Variants in EPB41L4A observed in about 807,000 individuals in gnomAD.
EPB41L4A encodes the protein erythrocyte membrane protein band 4.1 like 4A, also known as band 4.1-like protein 4A.
In EPB41L4A, 100 loss-of-function variants were observed where a neutral mutation model predicts 108.6. The observed-to-expected ratio is 0.92, with a 90% CI of 0.78 to 1.09. The LOEUF (loss-of-function observed/expected upper bound fraction) is 1.09. EPB41L4A is among the 50% of genes least tolerant of loss of function. EPB41L4A has a pLI of 0.00. For missense variants in EPB41L4A, 1,030 were observed against 842.7 expected, an observed-to-expected ratio of 1.22 and a Z score of -2.75; for synonymous variants, 319 against 289.0, an observed-to-expected ratio of 1.10 and a Z score of -1.05.
At chr5:112,288,545 T>C (rs891853370) in intron 2 of EPB41L4A, among the ~76,000 whole-genome samples, 5 of 152,180 alleles carry the variant, frequency 3.3e-5, no homozygotes, top group South Asian at 2.1e-4. Flanking sequence ...TCCTAGGCAA[T>C]AGGACCAAGT....
chr5:112,338,696 G>A lies in EPB41L4A; in HGVS notation c.100-31206C>T, dbSNP rs995034613. ...ATACACACATTGTGTATTTGTTAACGGCCTCCCTCACCCTCTAGAACAGGG... is the reference window on the plus strand; with the variant it reads ...ATACACACATTGTGTATTTGTTAACAGCCTCCCTCACCCTCTAGAACAGGG... On this transcript the variant is annotated intron_variant, in intron 1 of 22. Transcript: ENST00000261486. Among the ~76,000 whole-genome samples, 11 of 152,172 alleles carry A rather than the reference G, an allele frequency of 7.2e-5. No homozygotes were observed. The East Asian group carries it at 1.4e-3, about 19-fold the overall frequency.
intron 1 of EPB41L4A, among the ~76,000 whole-genome samples, chr5:112,355,966 G>A (rs1403872411): frequency 3.3e-5 from 5 of 152,082 alleles, no homozygotes; most frequent in South Asian, 4.2e-4. Context: ...GTAAGTCCAC[G>A]AACCCCTCTT....
At chr5:112,312,753 T>C (rs1755129769) in intron 1 of EPB41L4A, among the ~76,000 whole-genome samples, 1 of 152,244 alleles carries the variant, frequency 6.6e-6, no homozygotes, top group Non-Finnish European at 1.5e-5. Context: ...GCCCAATCAG[T>C]ATTCCATTGT....
intron 1 of EPB41L4A, among the ~76,000 whole-genome samples, chr5:112,362,556 C>T (rs1175245020): frequency 1.3e-5 from 2 of 152,182 alleles, no homozygotes; most frequent in African/African-American, 2.4e-5. Context: ...GCTGGGATTA[C>T]AGGCACGAGC....
intron 1 of EPB41L4A, among the ~76,000 whole-genome samples, chr5:112,377,376 G>C (rs1216019664): frequency 6.6e-6 from 1 of 152,166 alleles, no homozygotes; most frequent in Non-Finnish European, 1.5e-5. Context: ...GGATCTCTCT[G>C]TATGGTTTCT....
At chr5:112,193,781 A>C (rs56881711) in intron 17 of EPB41L4A, among the ~76,000 whole-genome samples, 109,619 of 152,150 alleles carry the variant, frequency 0.72, 40,449 homozygotes, top group East Asian at 1. Context: ...GCATCCTTGG[A>C]CAGTTGCAAT....
intron 1 of EPB41L4A, among the ~76,000 whole-genome samples, chr5:112,414,273 G>C (rs1762578243): frequency 6.6e-6 from 1 of 151,760 alleles, no homozygotes; most frequent in Non-Finnish European, 1.5e-5. Flanking sequence ...CAAAAGAGGG[G>C]GAAAAAAGAA....
intron 18 of EPB41L4A, among the ~76,000 whole-genome samples, chr5:112,173,994 C>A (rs1032100662): frequency 6.6e-6 from 1 of 152,178 alleles, no homozygotes; most frequent in Non-Finnish European, 1.5e-5. Context: ...TAGCCATTAA[C>A]ATTGGTCCTA....
At position 112,184,041 on chromosome 5, in the gene EPB41L4A, T is replaced by C; in HGVS notation, c.1597A>G (p.Arg533Gly). The C allele has an allele frequency of 1.2e-6, 2 of 1,614,070 alleles. No individual in the cohort carries two copies. Among genetic ancestry groups the C allele is most frequent in the Non-Finnish European group, 1.7e-6 (2 of 1,179,950 alleles). Residue 533 changes from arginine (R) to glycine (G), a missense_variant, in exon 18 of 23, where the codon AGG (arginine) becomes GGG (glycine). Transcript: ENST00000261486. ...GAACGAGATCTGTGTCTGGATCGCC[T>C]GTTGTTGGGGTCGGCTTGGTTTTTT... ...KEKNQADPNN[R>G]RSRHRSRSRS...
intron 2 of EPB41L4A, among the ~76,000 whole-genome samples, chr5:112,288,221 G>T (rs1554091480): frequency 6.6e-6 from 1 of 152,140 alleles, no homozygotes; most frequent in Admixed American, 6.6e-5. Flanking sequence ...AGCCTTACAG[G>T]GAATCTAAGG....
chr5:112,181,275 C>A (rs962826184), intron 18 of EPB41L4A, among the ~76,000 whole-genome samples: 2 of 151,472 alleles, frequency 1.3e-5, no homozygotes, highest in African/African-American at 4.9e-5. Context: ...CACGGTGAAA[C>A]CCCGTCTCTA....
At chr5:112,221,549 T>C (rs1450644149) in intron 12 of EPB41L4A, among the ~76,000 whole-genome samples, 1 of 152,196 alleles carries the variant, frequency 6.6e-6, no homozygotes, top group Non-Finnish European at 1.5e-5. Context: ...AATTAGACAA[T>C]TTATATAAAG....
At chr5:112,381,761 G>C (rs75630764) in intron 1 of EPB41L4A, among the ~76,000 whole-genome samples, 5,141 of 152,314 alleles carry the variant, frequency 0.034, 152 homozygotes, top group African/African-American at 0.078. Context: ...ACCAGACACA[G>C]TTGAGAAAAC....
chr5:112,205,796 G>A (rs1441940816), intron 13 of EPB41L4A, among the ~76,000 whole-genome samples: 3 of 152,140 alleles, frequency 2.0e-5, no homozygotes, highest in Admixed American at 1.3e-4. Flanking sequence ...AGGAGAGGCA[G>A]CAAGGGGAAC....
chr5:112,362,982 T>G (rs542914711), intron 1 of EPB41L4A, among the ~76,000 whole-genome samples: 1 of 152,278 alleles, frequency 6.6e-6, no homozygotes, highest in Non-Finnish European at 1.5e-5. Context: ...CAAGAAACCC[T>G]GCCCTTGAAA....
At chr5:112,362,701 G>A (rs554865223) in intron 1 of EPB41L4A, among the ~76,000 whole-genome samples, 22 of 152,268 alleles carry the variant, frequency 1.4e-4, no homozygotes, top group Admixed American at 3.3e-4. Context: ...ACAGATAAAA[G>A]TCTTCTGTGC....
chr5:112,387,141 G>A (rs188021971), intron 1 of EPB41L4A, among the ~76,000 whole-genome samples: 303 of 152,298 alleles, frequency 2.0e-3, no homozygotes, highest in Non-Finnish European at 3.2e-3. Flanking sequence ...AATTCCCAGA[G>A]GGCTACTGGT....
intron 1 of EPB41L4A, among the ~76,000 whole-genome samples, chr5:112,391,274 T>C (rs968678112): frequency 4.6e-5 from 7 of 152,114 alleles, no homozygotes; most frequent in Non-Finnish European, 8.8e-5. Flanking sequence ...AACAAACTTC[T>C]CCAAGCTAAA....
At chr5:112,315,116 A>G (rs767896672) in intron 1 of EPB41L4A, among the ~76,000 whole-genome samples, 1 of 152,124 alleles carries the variant, frequency 6.6e-6, no homozygotes, top group Non-Finnish European at 1.5e-5. Context: ...TTCCTGCTCT[A>G]TGTCATGGTC....
Sources: gnomAD v4.1 joint callset for allele counts (sites outside exome capture counted in the v4.1 genomes callset) on GRCh38, gnomAD v4.1.1 for gene constraint, MANE v1.5 for transcripts, NCBI Gene and HGNC (gene_info 2026-07-23, HGNC 2026-07-21) for gene names.